ADCK1: variants seen among roughly 807,000 people sequenced by gnomAD.
ADCK1 encodes aarF domain-containing protein kinase 1.
A neutral mutation model predicts 52.3 loss-of-function variants in ADCK1; 41 were observed. The observed-to-expected ratio is 0.78, with a 90% CI of 0.61 to 1.02. The LOEUF is 1.02. Among genes scored for constraint, ADCK1 ranks in the 50% least tolerant of loss-of-function variants. The probability of loss-of-function intolerance (pLI) is 0.00; values close to 1 mark genes in which losing one functional copy is unlikely to be tolerated. For synonymous variants in ADCK1, 250 were observed against 274.6 expected (o/e 0.91, Z 0.89); for missense variants, 658 against 679.5 (o/e 0.97, Z 0.35).
At chr14:77,810,531 C>CTTTTT in intron 1 of ADCK1, among the ~76,000 whole-genome samples, 1 of 135,762 alleles carries the variant, frequency 7.4e-6, no homozygotes, top group Middle Eastern at 4.0e-3. Flanking sequence ...AGGCTGGGTT[C>CTTTTT]TTTTTTTTTT....
Position 77,819,092 on chromosome 14 carries a change from G to C in ADCK1, c.114G>C (p.Arg38Ser). ...YLDPNDFGAV[R>S]VGRAVATTAV... Reference sequence around the variant, plus strand: ...ACCCTAATGACTTTGGCGCTGTCAGGGTGGGCAGAGCAGTTGCTACGGTAG... The same window carrying C: ...ACCCTAATGACTTTGGCGCTGTCAGCGTGGGCAGAGCAGTTGCTACGGTAG... Residue 38 changes from arginine to serine, a missense_variant, in exon 2 of 11, where the codon AGG becomes AGC. Coordinates refer to ENST00000238561, the MANE Select transcript of ADCK1 (RefSeq NM_020421.4). 5.0e-6 allele frequency: 8 copies of C among 1,610,698 alleles called. No homozygotes were observed. Among genetic ancestry groups the C allele is most frequent in the Non-Finnish European group, 6.8e-6 (8 of 1,179,080 alleles).
intron 3 of ADCK1, among the ~76,000 whole-genome samples, chr14:77,842,892 C>CTTTT (rs113174346): frequency 1.6e-5 from 2 of 122,660 alleles, no homozygotes; most frequent in Non-Finnish European, 3.6e-5. Flanking sequence ...TTCTTTCTTT[C>CTTTT]TTTTTTTTTT....
Position 77,907,911 on chromosome 14 carries a change from G to A in ADCK1, c.850G>A (p.Val284Ile), listed in dbSNP as rs200934423. ...RDYMERNKID[V>I]NEISRHLGKM... ...CTACATGGAGAGGAACAAGATCGAC[G>A]TCAATGAGGTGAGGTCAAGAGCTCA... The change falls in exon 7 of 11, where the codon GTC becomes ATC. Residue 284 changes from valine to isoleucine, a missense_variant. Coordinates refer to ENST00000238561, the MANE Select transcript of ADCK1 (RefSeq NM_020421.4). The A allele has an allele frequency of 1.1e-4, 183 of 1,613,666 alleles. No individual in the cohort carries two copies. Among genetic ancestry groups the A allele is most frequent in the South Asian group, 2.2e-4 (20 of 91,036 alleles).
At chr14:77,894,208 C>T (rs1022640473) in intron 5 of ADCK1, among the ~76,000 whole-genome samples, 4 of 152,154 alleles carry the variant, frequency 2.6e-5, no homozygotes, top group African/African-American at 7.2e-5. Flanking sequence ...TTCTAAAAAG[C>T]GTGTACTTTA....
At chr14:77,931,767 G>A (rs1398357966) in intron 10 of ADCK1, 56 bp downstream of exon 10, 3 of 1,550,018 alleles carry the variant, frequency 1.9e-6, no homozygotes, top group African/African-American at 2.7e-5. Flanking sequence ...TGCCCCAGGG[G>A]TCCTGCTTTT....
chr14:77,848,718 A>C (rs2082221397), intron 3 of ADCK1, among the ~76,000 whole-genome samples: 2 of 152,070 alleles, frequency 1.3e-5, no homozygotes, highest in African/African-American at 4.8e-5. Flanking sequence ...CTCTCACCTC[A>C]GCCTCCAAAA....
Position 77,931,532 on chromosome 14 carries a change from CA to C in ADCK1, c.1223del (p.Asn408ThrfsTer25). ...VTATEDLEIR[N>X]NAANYLPQIS... ...TGCTGCTTCAGGACTTAGAGATTCG[CA>C]ACAACGCGGCCAACTACCTCCCCCA... is the stretch of plus-strand genomic sequence containing the variant. On this transcript the variant is annotated frameshift_variant, in exon 10 of 11. Transcript: ENST00000238561. LOFTEE classifies it high-confidence loss of function. The C allele has an allele frequency of 5.0e-6, 8 of 1,613,588 alleles. No homozygotes were observed. The highest frequency in any genetic ancestry group is 6.8e-6 in the Non-Finnish European group (8 of 1,179,682).
intron 1 of ADCK1, among the ~76,000 whole-genome samples, chr14:77,807,967 C>T (rs2081265549): frequency 6.6e-6 from 1 of 152,274 alleles, no homozygotes; most frequent in Admixed American, 6.5e-5. Context: ...TAAGAGAGAC[C>T]TGACCAAGAC....
chr14:77,836,720 T>G lies in ADCK1; in HGVS notation c.219+14202T>G, dbSNP rs552822129. On this transcript the variant is annotated intron_variant, in intron 3 of 10. Transcript: ENST00000238561. ...CCAGGCATTCCTGTGGCTGCATCAT[T>G]GCAATCTCTGCAATCTAAGCCTCTA... 6.6e-5 allele frequency among the ~76,000 whole-genome samples: 10 copies of G among 152,126 alleles called. No individual in the cohort carries two copies. The South Asian group carries it at 1.7e-3, about 25-fold the overall frequency.
chr14:77,864,753 G>A (rs1017426029), intron 4 of ADCK1, among the ~76,000 whole-genome samples: 1 of 152,120 alleles, frequency 6.6e-6, no homozygotes, highest in Non-Finnish European at 1.5e-5. Context: ...ATTGGCTGAT[G>A]TGGGTTATAG....
chr14:77,870,682 A>G (rs187385287), intron 4 of ADCK1, among the ~76,000 whole-genome samples: 1 of 152,312 alleles, frequency 6.6e-6, no homozygotes, highest in Admixed American at 6.5e-5. Flanking sequence ...TGAGTGTCCC[A>G]GGTTGGGCAG....
intron 5 of ADCK1, among the ~76,000 whole-genome samples, chr14:77,897,878 G>C (rs559198501): frequency 3.9e-5 from 6 of 152,318 alleles, no homozygotes; most frequent in Non-Finnish European, 8.8e-5. Flanking sequence ...AAGTGTTTCA[G>C]AGCAAGGGCT....
At chr14:77,847,598 C>T (rs2082197958) in intron 3 of ADCK1, among the ~76,000 whole-genome samples, 2 of 152,090 alleles carry the variant, frequency 1.3e-5, no homozygotes, top group Non-Finnish European at 2.9e-5. Flanking sequence ...AAAAAACCCA[C>T]TTCATACCAG....
At chr14:77,831,610 G>C (rs2081851120) in intron 3 of ADCK1, among the ~76,000 whole-genome samples, 1 of 152,186 alleles carries the variant, frequency 6.6e-6, no homozygotes, top group South Asian at 2.1e-4. Flanking sequence ...TTTGAGACAG[G>C]GTCTTGCTTT....
At position 77,847,910 on chromosome 14, in the gene ADCK1, C is replaced by T. The variant is rs144113162; in HGVS notation, c.220-11166C>T. On this transcript the variant is annotated intron_variant, in intron 3 of 10. Transcript: ENST00000238561. Reference sequence around the variant, plus strand: ...CTGGAACAGTTCCCGGGAGCCCAGACGTGGCCAGAGCCATGGTGGCCGTGT... The same window carrying T: ...CTGGAACAGTTCCCGGGAGCCCAGATGTGGCCAGAGCCATGGTGGCCGTGT... Among the ~76,000 whole-genome samples, 99 of 152,274 alleles carry T rather than the reference C, an allele frequency of 6.5e-4. 1 individual carries two copies. Among genetic ancestry groups the T allele is most frequent in the African/African-American group, 1.9e-3 (80 of 41,556 alleles).
intron 3 of ADCK1, among the ~76,000 whole-genome samples, chr14:77,846,836 C>T (rs545968810): frequency 2.4e-4 from 36 of 152,296 alleles, no homozygotes; most frequent in African/African-American, 7.7e-4. Flanking sequence ...TCTGTGGACC[C>T]GAAGCGGAGA....
In ADCK1 at chr14:77,933,384, C is replaced by T. The variant is rs146259396; in HGVS notation, c.1565C>T (p.Pro522Leu). Residue 522 changes from proline to leucine, a missense_variant, in exon 11 of 11, where the codon CCA (proline) becomes CTA (leucine). Transcript: ENST00000238561. ...LALICWLFPA[P>L]L ...CTAATATGCTGGCTGTTCCCTGCTC[C>T]ACTCTGAGTGGAATTGCTCTCCCTG... 2.5e-6 allele frequency: 4 copies of T among 1,613,990 alleles called. No individual in the cohort carries two copies. The highest frequency in any genetic ancestry group is 3.3e-5 in the Admixed American group (2 of 60,010).
intron 8 of ADCK1, 45 bp downstream of exon 8, chr14:77,924,651 G>C (rs1174181669): frequency 6.2e-7 from 1 of 1,604,750 alleles, no homozygotes; most frequent in Admixed American, 1.7e-5. Context: ...TCTGGGGTTA[G>C]AGTCTGCTGA....
At chr14:77,805,506 C>T (rs1396219553) in intron 1 of ADCK1, among the ~76,000 whole-genome samples, 1 of 152,014 alleles carries the variant, frequency 6.6e-6, no homozygotes, top group Non-Finnish European at 1.5e-5. Flanking sequence ...AAGTGATCCA[C>T]CTGCCTCGGC....
Sources: gnomAD v4.1 joint callset for allele counts (sites outside exome capture counted in the v4.1 genomes callset) on GRCh38, gnomAD v4.1.1 for gene constraint, MANE v1.5 for transcripts, NCBI Gene and HGNC (gene_info 2026-07-23, HGNC 2026-07-21) for gene names.